The following TMEM232 variants were observed in gnomAD, a reference collection of about 807,000 sequenced individuals.
TMEM232 encodes the protein transmembrane protein 232.
A neutral mutation model predicts 78.8 loss-of-function variants in TMEM232; 80 were observed. That is an observed-to-expected ratio of 1.01 (90% CI 0.85 to 1.22). The LOEUF (loss-of-function observed/expected upper bound fraction) is 1.22, where lower values mean the gene tolerates loss of function less well. TMEM232 is among the 50% of genes most tolerant of loss of function. The probability of loss-of-function intolerance (pLI) is 0.00; values close to 1 mark genes in which losing one functional copy is unlikely to be tolerated. For missense variants in TMEM232, 881 were observed against 742.2 expected (o/e 1.19, Z -2.17); for synonymous variants, 297 against 254.3 (o/e 1.17, Z -1.60).
intron 12 of TMEM232, among the ~76,000 whole-genome samples, chr5:110,524,513 C>T (rs780910717): frequency 6.6e-6 from 1 of 152,140 alleles, no homozygotes. Flanking sequence ...GGAAGATAAA[C>T]TTGATATAAT....
intron 11 of TMEM232, among the ~76,000 whole-genome samples, chr5:110,538,637 C>T (rs1025525035): frequency 3.3e-5 from 5 of 152,204 alleles, no homozygotes; most frequent in South Asian, 2.1e-4. Flanking sequence ...TTGACTGCCC[C>T]TGCTCCCACC....
intron 5 of TMEM232, among the ~76,000 whole-genome samples, chr5:110,632,158 A>G (rs970436727): frequency 3.3e-5 from 5 of 152,106 alleles, no homozygotes; most frequent in Non-Finnish European, 7.3e-5. Context: ...AGCCAAAGAA[A>G]TCATACAGGG....
chr5:110,469,287 C>T (rs1364233476), intron 12 of TMEM232, among the ~76,000 whole-genome samples: 1 of 152,164 alleles, frequency 6.6e-6, no homozygotes, highest in Non-Finnish European at 1.5e-5. Context: ...TGGAAATCTC[C>T]CATCCCTGAG....
chr5:110,449,319 C>A (rs751066872), intron 12 of TMEM232, among the ~76,000 whole-genome samples: 7 of 151,936 alleles, frequency 4.6e-5, no homozygotes, highest in Non-Finnish European at 1.0e-4. Flanking sequence ...ACAATGTGTA[C>A]TTTCATGGTA....
chr5:110,677,463 T>C (rs1268694907), intron 1 of TMEM232, among the ~76,000 whole-genome samples: 3 of 152,212 alleles, frequency 2.0e-5, no homozygotes, highest in South Asian at 2.1e-4. Context: ...TTGTAATTTG[T>C]TTCGGTAGCA....
downstream of TMEM232, among the ~76,000 whole-genome samples, chr5:110,415,500 T>G (rs555255199): frequency 1.3e-5 from 2 of 151,926 alleles, no homozygotes; most frequent in Non-Finnish European, 2.9e-5. Context: ...ACTTTTTTTT[T>G]TTACCCTCCA....
intron 5 of TMEM232, among the ~76,000 whole-genome samples, chr5:110,637,411 A>G (rs1263150762): frequency 4.0e-5 from 6 of 151,818 alleles, no homozygotes; most frequent in Non-Finnish European, 7.4e-5. Flanking sequence ...ATTTACAATG[A>G]CTGAAATGTG....
At chr5:110,609,521 T>A (rs1257722660) in intron 8 of TMEM232, among the ~76,000 whole-genome samples, 18 of 152,050 alleles carry the variant, frequency 1.2e-4, no homozygotes, top group Admixed American at 1.1e-3. Flanking sequence ...TTCATTCTCA[T>A]CTCTCCATAT....
intron 1 of TMEM232, among the ~76,000 whole-genome samples, chr5:110,673,878 T>G (rs377598468): frequency 6.6e-6 from 1 of 152,096 alleles, no homozygotes; most frequent in Non-Finnish European, 1.5e-5. Context: ...TTTGCCAGTT[T>G]ATACATTTTA....
intron 12 of TMEM232, among the ~76,000 whole-genome samples, chr5:110,492,663 G>A (rs1765239802): frequency 6.6e-6 from 1 of 151,796 alleles, no homozygotes; most frequent in Non-Finnish European, 1.5e-5. Context: ...CAAATATGTG[G>A]TGAGTCAAGA....
chr5:110,499,540 G>A (rs1385948774), intron 12 of TMEM232, among the ~76,000 whole-genome samples: 1 of 151,828 alleles, frequency 6.6e-6, no homozygotes, highest in African/African-American at 2.4e-5. Context: ...ACAGGCATGA[G>A]CCATCACGCC....
chr5:110,392,964 T>C (rs1034104625), intron 3 of TMEM232, among the ~76,000 whole-genome samples: 4 of 152,222 alleles, frequency 2.6e-5, no homozygotes, highest in Non-Finnish European at 5.9e-5. Flanking sequence ...CACTTAATGT[T>C]CATGAATTTG....
intron 11 of TMEM232, among the ~76,000 whole-genome samples, chr5:110,557,170 A>G (rs1241592028): frequency 6.6e-6 from 1 of 152,128 alleles, no homozygotes. Context: ...TTTGCTGTTA[A>G]TATTTCTGAT....
chr5:110,720,691 A>G (rs1797500961), intron 1 of TMEM232: 1 of 152,148 alleles, frequency 6.6e-6, no homozygotes, highest in African/African-American at 2.4e-5. Context: ...CTTCTCATAT[A>G]GAATACCTTG....
chr5:110,628,806 C>A (rs1036465427), intron 5 of TMEM232: 1 of 151,634 alleles, frequency 6.6e-6, no homozygotes, highest in Non-Finnish European at 1.5e-5. Context: ...AGTGCATCAT[C>A]CAAGACTATA....
At chr5:110,489,993 G>A (rs185391727) in intron 12 of TMEM232, among the ~76,000 whole-genome samples, 8 of 151,876 alleles carry the variant, frequency 5.3e-5, no homozygotes, top group Middle Eastern at 3.4e-3. Flanking sequence ...GTGTGGTGGC[G>A]CGTGCCTATA....
intron 2 of TMEM232, among the ~76,000 whole-genome samples, chr5:110,664,447 A>C (rs1000205527): frequency 6.6e-6 from 1 of 152,206 alleles, no homozygotes; most frequent in East Asian, 1.9e-4. Flanking sequence ...AGAAAAATGA[A>C]CTGGAATGAT....
chr5:110,543,535 T>C (rs191564886), intron 11 of TMEM232, among the ~76,000 whole-genome samples: 45 of 152,328 alleles, frequency 3.0e-4, no homozygotes, highest in African/African-American at 1.1e-3. Flanking sequence ...TTGAAAAATT[T>C]TAGTTAACTT....
chr5:110,696,134 C>A (rs944757281), intron 1 of TMEM232, among the ~76,000 whole-genome samples: 21 of 152,152 alleles, frequency 1.4e-4, no homozygotes, highest in African/African-American at 4.3e-4. Context: ...CCCTGGGATG[C>A]AAGGCTGGTT....
Sources: gnomAD v4.1 joint callset for allele counts (sites outside exome capture counted in the v4.1 genomes callset) on GRCh38, gnomAD v4.1.1 for gene constraint, MANE v1.5 for transcripts, NCBI Gene and HGNC (gene_info 2026-07-23, HGNC 2026-07-21) for gene names.